TMEM132D: variants seen among roughly 807,000 people sequenced by gnomAD.
TMEM132D encodes mature OL transmembrane protein.
A neutral mutation model predicts 62.3 loss-of-function variants in TMEM132D; 21 were observed. The ratio of observed to expected loss-of-function variants is 0.34; its 90% CI spans 0.24 to 0.49. TMEM132D has a LOEUF of 0.49. TMEM132D is among the 20% of genes least tolerant of loss of function. TMEM132D has a pLI of 0.99. For missense variants in TMEM132D, 1,346 were observed against 1,402.8 expected, an observed-to-expected ratio of 0.96 and a Z score of 0.65; for synonymous variants, 621 against 575.6, an observed-to-expected ratio of 1.08 and a Z score of -1.13.
chr12:129,469,248 T>C (rs1426658632), intron 3 of TMEM132D, among the ~76,000 whole-genome samples: 3 of 152,200 alleles, frequency 2.0e-5, no homozygotes, highest in Non-Finnish European at 4.4e-5. Flanking sequence ...AGATGAAAAG[T>C]GTCTTCCATT....
chr12:129,729,211 T>G (rs963092810), intron 1 of TMEM132D, among the ~76,000 whole-genome samples: 1 of 152,244 alleles, frequency 6.6e-6, no homozygotes, highest in African/African-American at 2.4e-5. Context: ...AGACATTTTA[T>G]TTTTAAAACA....
chr12:129,765,890 G>T (rs1424028593), intron 1 of TMEM132D, among the ~76,000 whole-genome samples: 1 of 152,156 alleles, frequency 6.6e-6, no homozygotes, highest in African/African-American at 2.4e-5. Flanking sequence ...GAAGCGGCAC[G>T]TGCTAGGAAG....
At chr12:129,570,357 C>T (rs1877477667) in intron 2 of TMEM132D, among the ~76,000 whole-genome samples, 1 of 152,178 alleles carries the variant, frequency 6.6e-6, no homozygotes, top group South Asian at 2.1e-4. Flanking sequence ...AGGACATCTA[C>T]CTTCATGTAG....
intron 5 of TMEM132D, among the ~76,000 whole-genome samples, chr12:129,107,455 T>G (rs1875537188): frequency 1.3e-5 from 2 of 152,212 alleles, no homozygotes; most frequent in African/African-American, 4.8e-5. Flanking sequence ...AAAACATCTC[T>G]TCACAGTCAT....
intron 1 of TMEM132D, among the ~76,000 whole-genome samples, chr12:129,828,192 C>G (rs1300589626): frequency 6.6e-6 from 1 of 152,150 alleles, no homozygotes; most frequent in Admixed American, 6.6e-5. Flanking sequence ...GAAATGATCT[C>G]TCACCCTCTT....
chr12:129,372,863 A>G (rs148795460), intron 3 of TMEM132D, among the ~76,000 whole-genome samples: 4 of 152,240 alleles, frequency 2.6e-5, no homozygotes, highest in Non-Finnish European at 5.9e-5. Flanking sequence ...AGTGCACAAT[A>G]AAGGTAATGT....
chr12:129,686,884 C>T (rs1050141945), intron 2 of TMEM132D, among the ~76,000 whole-genome samples: 1 of 152,174 alleles, frequency 6.6e-6, no homozygotes, highest in Non-Finnish European at 1.5e-5. Context: ...ATCTCAACTC[C>T]CAGAGGAATG....
intron 2 of TMEM132D, among the ~76,000 whole-genome samples, chr12:129,572,233 G>A (rs1262044114): frequency 3.3e-5 from 5 of 152,226 alleles, no homozygotes; most frequent in Non-Finnish European, 7.3e-5. Context: ...AGTAACAAAC[G>A]TGAGTGAAGC....
chr12:129,648,176 T>C (rs191697120), intron 2 of TMEM132D, among the ~76,000 whole-genome samples: 1 of 152,062 alleles, frequency 6.6e-6, no homozygotes, highest in Non-Finnish European at 1.5e-5. Flanking sequence ...AAACCTGAGA[T>C]TGGTGTTTGG....
intron 1 of TMEM132D, among the ~76,000 whole-genome samples, chr12:129,815,271 T>A (rs1274035404): frequency 3.3e-5 from 5 of 152,094 alleles, no homozygotes; most frequent in African/African-American, 9.7e-5. Flanking sequence ...CAGAAAAAAA[T>A]CCAGAATGCA....
chr12:129,366,486 T>G (rs1340579784), intron 3 of TMEM132D, among the ~76,000 whole-genome samples: 1 of 151,996 alleles, frequency 6.6e-6, no homozygotes, highest in Non-Finnish European at 1.5e-5. Flanking sequence ...TCCCGAGACC[T>G]CCCCAGAAGC....
At chr12:129,305,295 C>T (rs1352211486) in intron 4 of TMEM132D, among the ~76,000 whole-genome samples, 1 of 88,424 alleles carries the variant, frequency 1.1e-5, no homozygotes, top group Non-Finnish European at 2.4e-5. Flanking sequence ...AAGAATATTG[C>T]TGTATTACTG....
intron 2 of TMEM132D, among the ~76,000 whole-genome samples, chr12:129,624,692 C>G (rs527416429): frequency 1.3e-4 from 20 of 152,264 alleles, no homozygotes; most frequent in Non-Finnish European, 2.6e-4. Flanking sequence ...CCCCAGAAAC[C>G]AGACAGCAAA....
chr12:129,514,130 A>C (rs143939797), intron 3 of TMEM132D, among the ~76,000 whole-genome samples: 2,831 of 149,836 alleles, frequency 0.019, 56 homozygotes, highest in African/African-American at 0.047. Context: ...TGAGCCACCG[A>C]GCCCGGCCAA....
intron 2 of TMEM132D, among the ~76,000 whole-genome samples, chr12:129,685,651 G>A (rs1365652075): frequency 2.6e-5 from 4 of 152,184 alleles, no homozygotes; most frequent in Non-Finnish European, 4.4e-5. Flanking sequence ...AAGGAGCTGT[G>A]AGAAGAGGGC....
At chr12:129,364,601 G>A (rs1870348541) in intron 3 of TMEM132D, among the ~76,000 whole-genome samples, 1 of 152,172 alleles carries the variant, frequency 6.6e-6, no homozygotes, top group Non-Finnish European at 1.5e-5. Flanking sequence ...CTATTCCCAG[G>A]AAAGTTAGTG....
chr12:129,194,648 A>T (rs1236218323), intron 5 of TMEM132D, among the ~76,000 whole-genome samples: 1 of 152,228 alleles, frequency 6.6e-6, no homozygotes, highest in Non-Finnish European at 1.5e-5. Flanking sequence ...CCATTAATTC[A>T]GCTCTTGAAA....
intron 3 of TMEM132D, among the ~76,000 whole-genome samples, chr12:129,363,868 T>C (rs1365270566): frequency 6.6e-6 from 1 of 152,246 alleles, no homozygotes; most frequent in Admixed American, 6.5e-5. Context: ...GTTTTGGGTA[T>C]GGTGAGGGAT....
At chr12:129,360,031 A>T (rs1466372327) in intron 3 of TMEM132D, among the ~76,000 whole-genome samples, 3 of 151,630 alleles carry the variant, frequency 2.0e-5, no homozygotes, top group Non-Finnish European at 4.4e-5. Flanking sequence ...TTTTCAGATG[A>T]GCTATGGGTC....
Sources: gnomAD v4.1 joint callset for allele counts (sites outside exome capture counted in the v4.1 genomes callset) on GRCh38, gnomAD v4.1.1 for gene constraint, MANE v1.5 for transcripts, NCBI Gene and HGNC (gene_info 2026-07-23, HGNC 2026-07-21) for gene names.